CBL: variants seen among roughly 807,000 people sequenced by gnomAD.
The protein encoded by CBL is E3 ubiquitin-protein ligase CBL.
A neutral mutation model predicts 96.9 loss-of-function variants in CBL; 45 were observed. The ratio of observed to expected loss-of-function variants is 0.46; its 90% CI spans 0.37 to 0.60. CBL has a LOEUF of 0.60. Ranked by LOEUF, CBL falls within the 20% of genes least tolerant of loss-of-function variation. The pLI, the probability that CBL is intolerant of heterozygous loss-of-function variation, is 0.00. For missense variants in CBL, 1,024 were observed against 1,143.5 expected, an observed-to-expected ratio of 0.90 and a Z score of 1.51; for synonymous variants, 420 against 426.8, an observed-to-expected ratio of 0.98 and a Z score of 0.20.
At position 119,284,213 on chromosome 11, in the gene CBL, CTCTT is replaced by C. The variant is rs550130586; in HGVS notation, c.1432-750_1432-747del. ...CCATAGAGAATTCACCGTCATCGAT[CTCTT>C]TCTTTATTATGTCCCTTAAACATTG... On this transcript the variant is annotated intron_variant, in intron 9 of 15. Transcript: ENST00000264033. Among the ~76,000 whole-genome samples, 819 of 152,170 alleles carry C rather than the reference CTCTT, an allele frequency of 5.4e-3. 4 individuals carry two copies. Among genetic ancestry groups the C allele is most frequent in the Non-Finnish European group, 7.5e-3 (511 of 67,996 alleles).
intron 2 of CBL, among the ~76,000 whole-genome samples, chr11:119,268,099 G>T (rs927402099): frequency 6.6e-6 from 1 of 152,206 alleles, no homozygotes; most frequent in Non-Finnish European, 1.5e-5. Flanking sequence ...AGATAGGTTA[G>T]ATCCAGGTCA....
In CBL at chr11:119,299,676, G is replaced by C. The variant is rs2135322273; in HGVS notation, c.2616G>C (p.Gln872His). Residue 872 changes from glutamine to histidine, a missense_variant, in exon 16 of 16, where the codon CAG (glutamine) becomes CAC (histidine). Gln to His is a conservative substitution (Grantham distance 24). Transcript: ENST00000264033. ...ENLMSQGYSYQDIQKALVIAQ... is the reference protein window; with the variant it reads ...ENLMSQGYSYHDIQKALVIAQ... ...TCATGAGTCAGGGGTACTCCTACCA[G>C]GACATCCAGAAAGCTTTGGTCATTG... 3 of 1,614,170 alleles carry C rather than the reference G, an allele frequency of 1.9e-6. No individual in the cohort carries two copies. The highest frequency in any genetic ancestry group is 1.1e-5 in the South Asian group (1 of 91,072).
chr11:119,283,908 A>T (rs1227114627), intron 9 of CBL, among the ~76,000 whole-genome samples: 1 of 152,060 alleles, frequency 6.6e-6, no homozygotes, highest in Non-Finnish European at 1.5e-5. Flanking sequence ...AAGTGCTGCG[A>T]TTACAGGCGT....
Position 119,304,704 on chromosome 11 carries a change from A to G in CBL, c.*4923A>G, listed in dbSNP as rs912267839. The G allele has an allele frequency of 9.8e-6, 2 of 204,686 alleles. No individual in the cohort carries two copies. The highest frequency in any genetic ancestry group is 2.0e-5 in the Non-Finnish European group (2 of 100,444). 12.7% of individuals were successfully genotyped at this position (204,686 alleles called of 1,614,324 possible). A position where few individuals can be genotyped will look rare whatever the true frequency, so the allele number is the denominator to read the frequency against. On this transcript the variant is annotated 3_prime_UTR_variant, in exon 16 of 16. Transcript: ENST00000264033. ...TGCAGTGGTGCAGTCTCAACTCACC[A>G]CAACCTCTGCCTCCCAGGTTCAAGC...
At chr11:119,276,359 A>G (rs1396132820) in intron 6 of CBL, among the ~76,000 whole-genome samples, 1 of 152,180 alleles carries the variant, frequency 6.6e-6, no homozygotes, top group Non-Finnish European at 1.5e-5. Context: ...ATTACCATAA[A>G]TAAACTTTAT....
In CBL at chr11:119,303,887, C is replaced by T. The variant is rs574308746; in HGVS notation, c.*4106C>T. ...TAATCCCCCTTGTTGGGAGGATTTT[C>T]GTATCACCCTTATGGGACCTGTCAC... On this transcript the variant is annotated 3_prime_UTR_variant, in exon 16 of 16. Transcript: ENST00000264033. 6 of 233,644 alleles carry T rather than the reference C, an allele frequency of 2.6e-5. No homozygotes were observed. In the South Asian group the frequency reaches 5.4e-4, roughly 21 times the overall value. 14.5% of individuals were successfully genotyped at this position (233,644 alleles called of 1,614,324 possible).
At chr11:119,231,966 G>A (rs1949505681) in intron 1 of CBL, among the ~76,000 whole-genome samples, 1 of 151,938 alleles carries the variant, frequency 6.6e-6, no homozygotes, top group African/African-American at 2.4e-5. Flanking sequence ...GCTGGGTGTG[G>A]TTATGCATGG....
chr11:119,281,534 A>G lies in CBL; in HGVS notation c.1431+2821A>G, dbSNP rs372067326. Among the ~76,000 whole-genome samples, 1,218 of 134,902 alleles carry G rather than the reference A, an allele frequency of 9.0e-3. 19 individuals are homozygous for G. Among genetic ancestry groups the G allele is most frequent in the African/African-American group, 0.032 (1,144 of 35,632 alleles). The allele number at this position is 134,902 out of a possible 152,430, so 88.5% of individuals were successfully genotyped here. On this transcript the variant is annotated intron_variant, in intron 9 of 15. Coordinates refer to ENST00000264033, the MANE Select transcript of CBL (RefSeq NM_005188.4). ...TTTTGAGACAGAATCTTGCTCTGTC[A>G]CCCAGGCTGGAGTGCAGTGGTGCAA...
chr11:119,243,035 T>C (rs1949599392), intron 2 of CBL, among the ~76,000 whole-genome samples: 1 of 151,958 alleles, frequency 6.6e-6, no homozygotes, highest in Non-Finnish European at 1.5e-5. Flanking sequence ...CCCAGCACTT[T>C]GGGAGGCTGA....
Position 119,285,223 on chromosome 11 carries a change from T to C in CBL, c.1598T>C (p.Leu533Ser). 6.2e-7 allele frequency: 1 copy of C among 1,614,132 alleles called. No homozygotes were observed. The highest frequency in any genetic ancestry group is 8.5e-7 in the Non-Finnish European group (1 of 1,180,018). ...ASGSLHKDKP[L>S]PVPPTLRDLP... ...GGCTCCCTTCATAAAGACAAACCAT[T>C]GCCAGTACCTCCCACACTTCGAGAT... The change falls in exon 11 of 16, where the codon TTG (leucine) becomes TCG (serine). Residue 533 changes from leucine (L) to serine (S), a missense_variant. Physicochemically the swap from Leu to Ser is moderately radical, Grantham distance 145. This residue lies in a region of CBL where 695 missense variants were observed against 661.6 expected (regional missense o/e 1.05). Coordinates refer to ENST00000264033, the MANE Select transcript of CBL (RefSeq NM_005188.4).
At chr11:119,252,175 C>G (rs1166035077) in intron 2 of CBL, among the ~76,000 whole-genome samples, 1 of 149,698 alleles carries the variant, frequency 6.7e-6, no homozygotes, top group Non-Finnish European at 1.5e-5. Flanking sequence ...TTTTTCTTTT[C>G]TCTCTTTCCA....
chr11:119,298,539 A>T lies in CBL; in HGVS notation c.2433A>T (p.Thr811=). 3.1e-6 allele frequency: 5 copies of T among 1,614,022 alleles called. No homozygotes were observed. Among genetic ancestry groups the T allele is most frequent in the Non-Finnish European group, 4.2e-6 (5 of 1,179,866 alleles). ...GWLSLDGDPT[T]NVTEGSQVPE... is the part of the protein sequence containing the mutation. ...TGTCTCTGGATGGTGATCCTACAACAAGTGAGTCTCCAGACTACTTTGGGT... is the reference window on the plus strand; with the variant it reads ...TGTCTCTGGATGGTGATCCTACAACTAGTGAGTCTCCAGACTACTTTGGGT... The change falls in exon 15 of 16, where the codon ACA becomes ACT. Residue 811 remains threonine (T), a splice_region_variant and synonymous_variant. Coordinates refer to ENST00000264033, the MANE Select transcript of CBL (RefSeq NM_005188.4).
At chr11:119,263,752 C>T (rs768985383) in intron 2 of CBL, among the ~76,000 whole-genome samples, 24 of 152,080 alleles carry the variant, frequency 1.6e-4, no homozygotes, top group Non-Finnish European at 2.5e-4. Flanking sequence ...AAAACAGTTC[C>T]GTTGTATCTA....
At chr11:119,210,583 C>A (rs1949308132) in intron 1 of CBL, among the ~76,000 whole-genome samples, 2 of 150,810 alleles carry the variant, frequency 1.3e-5, no homozygotes, top group Non-Finnish European at 2.9e-5. Context: ...CATGCGCCAC[C>A]ACACCTGGCT....
chr11:119,278,350 C>T (rs941291175), intron 8 of CBL, 53 bp downstream of exon 8: 39 of 1,602,768 alleles, frequency 2.4e-5, no homozygotes, highest in Middle Eastern at 3.3e-4. Context: ...TTGGAAAATT[C>T]GGTATTATAT....
rs948421470 is a variant in CBL, at chr11:119,302,466, A to G, written c.*2685A>G. 4.3e-6 allele frequency: 1 copy of G among 232,906 alleles called. No homozygotes were observed. The highest frequency in any genetic ancestry group is 8.5e-6 in the Non-Finnish European group (1 of 117,874). The allele number at this position is 232,906 out of a possible 1,614,324, so 14.4% of individuals were successfully genotyped here. On this transcript the variant is annotated 3_prime_UTR_variant, in exon 16 of 16. Transcript: ENST00000264033. Reference sequence around the variant, plus strand: ...CTGAATTTAATTAAAACTGCCTTTTATGAACAGACTTCGAGTTTTGCCATT... The same window carrying G: ...CTGAATTTAATTAAAACTGCCTTTTGTGAACAGACTTCGAGTTTTGCCATT...
chr11:119,249,115 A>G (rs1949652611), intron 2 of CBL, among the ~76,000 whole-genome samples: 1 of 152,230 alleles, frequency 6.6e-6, no homozygotes, highest in African/African-American at 2.4e-5. Context: ...ATTGAAAGCA[A>G]GGACTTGAAC....
chr11:119,239,340 T>C (rs1247333984), intron 2 of CBL, among the ~76,000 whole-genome samples: 1 of 152,212 alleles, frequency 6.6e-6, no homozygotes, highest in East Asian at 1.9e-4. Context: ...TTTTGCCTTC[T>C]TAGTTAAGTT....
chr11:119,239,979 A>G (rs1160604949), intron 2 of CBL, among the ~76,000 whole-genome samples: 1 of 152,170 alleles, frequency 6.6e-6, no homozygotes, highest in Non-Finnish European at 1.5e-5. Flanking sequence ...AAAATTCTAG[A>G]AAAAATGAGT....
Sources: allele counts gnomAD v4.1 joint callset (sites outside exome capture counted in the v4.1 genomes callset), GRCh38; gene constraint gnomAD v4.1.1; regional missense constraint gnomAD v4.1.1; transcripts MANE v1.5; gene names NCBI Gene and HGNC (gene_info 2026-07-23, HGNC 2026-07-21).